The following ATG16L2 variants were observed in gnomAD, a reference collection of about 807,000 sequenced individuals.
ATG16L2 encodes autophagy related 16 like 2, also known as protein Atg16l2.
In ATG16L2, 77 loss-of-function variants were observed where a neutral mutation model predicts 84.7. That is an observed-to-expected ratio of 0.91 (90% CI 0.76 to 1.10). The LOEUF (loss-of-function observed/expected upper bound fraction) is 1.10, where lower values mean the gene tolerates loss of function less well. Ranked by LOEUF, ATG16L2 falls within the 50% of genes least tolerant of loss-of-function variation. The probability of loss-of-function intolerance (pLI) is 0.00; values close to 1 mark genes in which losing one functional copy is unlikely to be tolerated. For missense variants in ATG16L2, 782 were observed against 817.6 expected, an observed-to-expected ratio of 0.96 and a Z score of 0.53; for synonymous variants, 361 against 342.8, an observed-to-expected ratio of 1.05 and a Z score of -0.59.
chr11:72,814,482 C>G lies in ATG16L2; in HGVS notation c.37C>G (p.Arg13Gly). The change falls in exon 1 of 18, where the codon CGC (arginine) becomes GGC (glycine). Residue 13 changes from arginine to glycine, a missense_variant. Arg to Gly is a moderately radical substitution (Grantham distance 125). Coordinates refer to ENST00000321297, the MANE Select transcript of ATG16L2 (RefSeq NM_033388.2). ...GPGVPGAPAARWKRHIVRQLR... is the reference protein window; with the variant it reads ...GPGVPGAPAAGWKRHIVRQLR... ...GGGCGTCCCCGGTGCCCCCGCAGCG[C>G]GCTGGAAACGCCACATCGTGCGGCA... 1 of 1,525,338 alleles carries G rather than the reference C, an allele frequency of 6.6e-7. No individual in the cohort carries two copies. The highest frequency in any genetic ancestry group is 8.8e-7 in the Non-Finnish European group (1 of 1,132,676). The allele number at this position is 1,525,338 out of a possible 1,614,324, so 94.5% of individuals were successfully genotyped here.
chr11:72,821,506 A>C (rs1291222866), intron 3 of ATG16L2, 162 bp from the exon 4 acceptor site: 1 of 1,425,918 alleles, frequency 7.0e-7, no homozygotes. Context: ...CACAAACAGC[A>C]GCGCGTCCCT....
chr11:72,843,537 A>C, exon 6 of ATG16L2: 4 of 1,610,930 alleles, frequency 2.5e-6, no homozygotes, highest in Non-Finnish European at 3.4e-6. Context: ...AGAAGCCTGC[A>C]GTGTAGGATG....
intron 3 of ATG16L2, chr11:72,821,436 C>T (rs1859984642): frequency 3.5e-5 from 47 of 1,348,888 alleles, no homozygotes; most frequent in Non-Finnish European, 4.1e-5. Context: ...AGAAACGAAG[C>T]GGCACGGCGA....
Position 72,836,751 on chromosome 11 carries a change from C to T in ATG16L2, c.*22-5866C>T, listed in dbSNP as rs1860740457. The stretch of plus-strand genomic sequence containing the variant: ...TATTAAAACTTAGAAAACATAATTC[C>T]ATTTTTTTTATTATTCAACATTTTA... On this transcript the variant is annotated intron_variant, in intron 5 of 5. Transcript: ENST00000534905. 2.0e-5 allele frequency: 3 copies of T among 152,598 alleles called. No individual in the cohort carries two copies. In the South Asian group the frequency reaches 6.2e-4, roughly 32 times the overall value. 9.5% of individuals were successfully genotyped at this position (152,598 alleles called of 1,614,324 possible).
At chr11:72,816,342 A>G (rs1424602949) in intron 1 of ATG16L2, 1 of 166,194 alleles carries the variant, frequency 6.0e-6, no homozygotes, top group Non-Finnish European at 1.3e-5. Context: ...GCCAAAGGCC[A>G]TTGACAGGTA....
chr11:72,840,911 T>C (rs201682261), intron 5 of ATG16L2: 1 of 1,613,386 alleles, frequency 6.2e-7, no homozygotes, highest in African/African-American at 1.3e-5. Flanking sequence ...CTCAGGAGTA[T>C]GCCTTGATGC....
In ATG16L2 at chr11:72,823,003, C is replaced by G. The variant is rs374002673; in HGVS notation, c.824+42C>G. ...CAGTCTCAGAGCTCTGAGCTGAGCC[C>G]CACCCCAGAGGCTGCCAGGGTCTTC... On this transcript the variant is annotated intron_variant, in intron 7 of 17. Coordinates refer to ENST00000321297, the MANE Select transcript of ATG16L2 (RefSeq NM_033388.2). The G allele has an allele frequency of 3.5e-6, 5 of 1,425,190 alleles. No homozygotes were observed. The African/African-American group carries it at 7.2e-5, about 20-fold the overall frequency. 88.3% of individuals were successfully genotyped at this position (1,425,190 alleles called of 1,614,324 possible). A position where few individuals can be genotyped will look rare whatever the true frequency, so the allele number is the denominator to read the frequency against.
At chr11:72,841,159 C>A (rs575993117) in intron 5 of ATG16L2, among the ~76,000 whole-genome samples, 1 of 151,592 alleles carries the variant, frequency 6.6e-6, no homozygotes, top group Admixed American at 6.6e-5. Flanking sequence ...CAGAATAATA[C>A]CCTTTGTCCA....
chr11:72,838,861 G>C, intron 5 of ATG16L2: 1 of 1,607,072 alleles, frequency 6.2e-7, no homozygotes, highest in Non-Finnish European at 8.5e-7. Flanking sequence ...AGGTGGAGGG[G>C]GAGCTGCCCG....
chr11:72,838,859 G>T (rs760772829), intron 5 of ATG16L2: 1 of 1,607,412 alleles, frequency 6.2e-7, no homozygotes, highest in Non-Finnish European at 8.5e-7. Flanking sequence ...GTAGGTGGAG[G>T]GGGAGCTGCC....
downstream of ATG16L2, among the ~76,000 whole-genome samples, chr11:72,833,932 A>ATTT (rs34732465): frequency 4.8e-5 from 7 of 146,808 alleles, no homozygotes; most frequent in Non-Finnish European, 1.0e-4. Flanking sequence ...AAAAAAAAAA[A>ATTT]TTTTTTTTTT....
At position 72,816,714 on chromosome 11, in the gene ATG16L2, C is replaced by G; in HGVS notation, c.119-14C>G. On this transcript the variant is annotated splice_polypyrimidine_tract_variant and intron_variant, in intron 1 of 17. Transcript: ENST00000321297. ...TCTGTCTCTGCCCCAGGCTCACTCT[C>G]TTGCACTCTCCAGATAACCATCTCT... 1.2e-6 allele frequency: 2 copies of G among 1,609,612 alleles called. No individual in the cohort carries two copies. Among genetic ancestry groups the G allele is most frequent in the Non-Finnish European group, 1.7e-6 (2 of 1,175,864 alleles).
intron 5 of ATG16L2, chr11:72,838,687 C>A (rs1012020069): frequency 4.4e-6 from 4 of 901,374 alleles, no homozygotes; most frequent in Admixed American, 4.3e-5. Flanking sequence ...TTGTTTTTTG[C>A]TCTGTTCAAG....
rs994614797 is a variant in ATG16L2 at position 72,838,787 on chromosome 11, A to G, written c.*22-3830A>G. On this transcript the variant is annotated intron_variant, in intron 5 of 5. Transcript: ENST00000534905. ...GTAGCAGTAATGGATGGGCAAGCCCATCATCACACCAGTGTGATTTCCACA... is the reference window on the plus strand; with the variant it reads ...GTAGCAGTAATGGATGGGCAAGCCCGTCATCACACCAGTGTGATTTCCACA... 2.5e-6 allele frequency: 4 copies of G among 1,595,966 alleles called. No individual in the cohort carries two copies. The African/African-American group carries it at 4.0e-5, about 16-fold the overall frequency.
rs1286099261 is a variant in ATG16L2 at position 72,817,848 on chromosome 11, G to C, written c.311G>C (p.Cys104Ser). Reference sequence around the variant, plus strand: ...GAGGAGGAGGGGCTCCGGCTGGTCTGTGGTGAGGTAAGTTGGGAAGGGGTC... The same window carrying C: ...GAGGAGGAGGGGCTCCGGCTGGTCTCTGGTGAGGTAAGTTGGGAAGGGGTC... ...QEEEEGLRLV[C>S]GEMAYQVVEK... is the part of the protein sequence containing the mutation. The change falls in exon 3 of 18, where the codon TGT (cysteine) becomes TCT (serine). Residue 104 changes from cysteine (C) to serine (S), a missense_variant. Physicochemically the swap from Cys to Ser is moderately radical, Grantham distance 112. Transcript: ENST00000321297. 1 of 1,610,040 alleles carries C rather than the reference G, an allele frequency of 6.2e-7. No individual in the cohort carries two copies. Among genetic ancestry groups the C allele is most frequent in the East Asian group, 2.2e-5 (1 of 44,878 alleles).
At chr11:72,825,470 T>C in intron 10 of ATG16L2, 63 bp downstream of exon 10, 3 of 1,279,552 alleles carry the variant, frequency 2.3e-6, no homozygotes, top group Non-Finnish European at 3.4e-6. Context: ...CTCAGCTCAC[T>C]CCTTGGTGGG....
At chr11:72,841,364 A>AAAG in intron 5 of ATG16L2, 1 of 1,000,856 alleles carries the variant, frequency 1.0e-6, no homozygotes, top group African/African-American at 1.8e-5. Flanking sequence ...AAAAAAAAAA[A>AAAG]GCAAATGCAG....
chr11:72,815,105 G>C (rs1275030679), intron 1 of ATG16L2, among the ~76,000 whole-genome samples: 1 of 152,224 alleles, frequency 6.6e-6, no homozygotes, highest in African/African-American at 2.4e-5. Context: ...GCCTGAGGGG[G>C]CATCAGGGGG....
downstream of ATG16L2, among the ~76,000 whole-genome samples, chr11:72,834,073 G>C (rs548992201): frequency 6.6e-6 from 1 of 152,124 alleles, no homozygotes; most frequent in South Asian, 2.1e-4. Context: ...GTTCTTGGCA[G>C]ATCAAGCAGT....
Sources: allele counts gnomAD v4.1 joint callset (sites outside exome capture counted in the v4.1 genomes callset), GRCh38; gene constraint gnomAD v4.1.1; transcripts MANE v1.5; gene names NCBI Gene and HGNC (gene_info 2026-07-23, HGNC 2026-07-21).